Variants in ANK2 observed in about 807,000 individuals in gnomAD.
ANK2 encodes the protein ankyrin 2.
ANK2 carries 83 observed loss-of-function variants against 360.5 expected under a neutral mutation model. That is an observed-to-expected ratio of 0.23 (90% CI 0.19 to 0.28). The LOEUF is 0.28. Among genes scored for constraint, ANK2 ranks in the 10% least tolerant of loss-of-function variants. The pLI is 1.00. For synonymous variants in ANK2, 1,740 were observed against 1,759.5 expected, an observed-to-expected ratio of 0.99 and a Z score of 0.28; for missense variants, 4,201 against 4,795.7, an observed-to-expected ratio of 0.88 and a Z score of 3.66.
At chr4:113,032,594 G>A (rs2154305363) in intron 2 of ANK2, among the ~76,000 whole-genome samples, 1 of 152,186 alleles carries the variant, frequency 6.6e-6, no homozygotes, top group East Asian at 1.9e-4. Flanking sequence ...TTAGCAATGA[G>A]TAAGTCTGTA....
chr4:112,742,080 CCA>C, the ANK2 span, among the ~76,000 whole-genome samples: 2 of 151,764 alleles, frequency 1.3e-5, no homozygotes, highest in African/African-American at 4.8e-5. Context: ...CTGCTTGAGA[CCA>C]GGAGTTCAAA....
At chr4:112,790,714 C>T in the ANK2 span, among the ~76,000 whole-genome samples, 3 of 152,074 alleles carry the variant, frequency 2.0e-5, no homozygotes, top group Non-Finnish European at 4.4e-5. Context: ...TCTCGAACTC[C>T]TGGACTAAGC....
chr4:113,136,208 A>T (rs1252166946), intron 1 of ANK2, among the ~76,000 whole-genome samples: 2 of 152,224 alleles, frequency 1.3e-5, no homozygotes, highest in African/African-American at 4.8e-5. Context: ...GTTCATAAAA[A>T]GACAATTAAA....
intron 37 of ANK2, chr4:113,350,857 A>G (rs1327996483): frequency 6.6e-6 from 1 of 152,260 alleles, no homozygotes; most frequent in Non-Finnish European, 1.5e-5. Flanking sequence ...AAAATAAACA[A>G]AAGTGAAGAG....
chr4:113,334,767 GAA>G (rs1269533344), intron 29 of ANK2, among the ~76,000 whole-genome samples: 2 of 99,074 alleles, frequency 2.0e-5, no homozygotes, highest in East Asian at 6.0e-4. Flanking sequence ...TCTATTACTA[GAA>G]AGTTAATAGA....
chr4:113,185,117 T>A (rs1206829516), intron 2 of ANK2, among the ~76,000 whole-genome samples: 3 of 152,214 alleles, frequency 2.0e-5, no homozygotes, highest in African/African-American at 7.2e-5. Flanking sequence ...GATAGGCATT[T>A]GGGTTGGTTC....
intron 2 of ANK2, among the ~76,000 whole-genome samples, chr4:112,955,539 TTG>T (rs1324717414): frequency 6.6e-6 from 1 of 151,478 alleles, no homozygotes; most frequent in Non-Finnish European, 1.5e-5. Flanking sequence ...TTAAAAAAGG[TTG>T]TTTTTTTTTT....
At chr4:112,795,332 C>T in the ANK2 span, among the ~76,000 whole-genome samples, 1 of 152,080 alleles carries the variant, frequency 6.6e-6, no homozygotes, top group Admixed American at 6.6e-5. Flanking sequence ...GATAACTAGC[C>T]CTTCGTTCCA....
chr4:113,168,680 T>C (rs183229321), intron 1 of ANK2, among the ~76,000 whole-genome samples: 24 of 152,350 alleles, frequency 1.6e-4, no homozygotes, highest in African/African-American at 5.5e-4. Flanking sequence ...ATATCACTTA[T>C]GTGTTCTGAC....
At chr4:113,173,534 A>C (rs1288058110) in intron 1 of ANK2, among the ~76,000 whole-genome samples, 1 of 152,104 alleles carries the variant, frequency 6.6e-6, no homozygotes, top group Non-Finnish European at 1.5e-5. Context: ...ACCCAACAAA[A>C]GTTTATCATC....
At chr4:112,804,138 C>A in the ANK2 span, among the ~76,000 whole-genome samples, 1 of 152,092 alleles carries the variant, frequency 6.6e-6, no homozygotes, top group Non-Finnish European at 1.5e-5. Flanking sequence ...CCTGCCTCAG[C>A]CTCCCAAGTA....
chr4:112,937,863 C>T lies in ANK2; in HGVS notation c.21+33349C>T, dbSNP rs183663624. Among the ~76,000 whole-genome samples the T allele has an allele frequency of 1.8e-3, 267 of 152,272 alleles. 1 individual carries two copies. Among genetic ancestry groups the T allele is most frequent in the Admixed American group, 5.1e-3 (78 of 15,300 alleles). ...TCCTTAGAAAAGATGGCCTCTGCAA[C>T]TTATTAGCTGTCTTAGTGGCCTTGG... On this transcript the variant is annotated intron_variant, in intron 2 of 30. Transcript: ENST00000503271.
At chr4:113,269,114 C>A (rs1035030851) in intron 14 of ANK2, among the ~76,000 whole-genome samples, 2 of 152,086 alleles carry the variant, frequency 1.3e-5, no homozygotes, top group Non-Finnish European at 2.9e-5. Flanking sequence ...TAATGGCGGA[C>A]GCCCCTCCCC....
At chr4:113,061,050 A>C (rs948328022) in intron 1 of ANK2, among the ~76,000 whole-genome samples, 3 of 152,026 alleles carry the variant, frequency 2.0e-5, no homozygotes, top group Non-Finnish European at 4.4e-5. Flanking sequence ...AACCAGTAGG[A>C]CTGATTGGCC....
At chr4:113,288,622 T>A in intron 20 of ANK2, 136 bp downstream of exon 20, 1 of 754,456 alleles carries the variant, frequency 1.3e-6, no homozygotes, top group Non-Finnish European at 2.2e-6. Flanking sequence ...CGAGGTGATG[T>A]AGTTTTGTAA....
chr4:113,019,360 GTTC>G (rs1275003393), intron 2 of ANK2, among the ~76,000 whole-genome samples: 3 of 152,164 alleles, frequency 2.0e-5, no homozygotes, highest in Admixed American at 6.5e-5. Context: ...ATACAAGTCA[GTTC>G]TTCTAAGCAA....
chr4:113,164,674 A>G (rs777458845), intron 1 of ANK2, among the ~76,000 whole-genome samples: 3 of 152,230 alleles, frequency 2.0e-5, no homozygotes, highest in African/African-American at 7.2e-5. Flanking sequence ...GATGCGTAGC[A>G]TAATGAAAAA....
the ANK2 span, among the ~76,000 whole-genome samples, chr4:112,726,745 G>C: frequency 6.6e-6 from 1 of 151,494 alleles, no homozygotes; most frequent in South Asian, 2.1e-4. Flanking sequence ...CAGCTACTCG[G>C]GAGGCTGAGG....
At chr4:112,892,054 G>T (rs948948953) in intron 1 of ANK2, among the ~76,000 whole-genome samples, 1 of 151,888 alleles carries the variant, frequency 6.6e-6, no homozygotes, top group African/African-American at 2.4e-5. Context: ...AAGTTTTGAT[G>T]ATAGCAGTGG....
Sources: allele counts gnomAD v4.1 joint callset (sites outside exome capture counted in the v4.1 genomes callset), GRCh38; gene constraint gnomAD v4.1.1; transcripts MANE v1.5; gene names NCBI Gene and HGNC (gene_info 2026-07-23, HGNC 2026-07-21).